Variants in ADAMTSL1 observed in about 807,000 individuals in gnomAD.
The protein encoded by ADAMTSL1 is ADAMTS like 1.
Under a neutral mutation model 201.8 loss-of-function variants are expected in ADAMTSL1, and 126 were observed. That is an observed-to-expected ratio of 0.62 (90% CI 0.54 to 0.72). The LOEUF is 0.72. Ranked by LOEUF, ADAMTSL1 falls within the 30% of genes least tolerant of loss-of-function variation. The pLI is 0.00. For synonymous variants in ADAMTSL1, 1,121 were observed against 903.4 expected, an observed-to-expected ratio of 1.24 and a Z score of -4.32; for missense variants, 2,679 against 2,277.8, an observed-to-expected ratio of 1.18 and a Z score of -3.59.
At chr9:18,645,374 C>T (rs1032915414) in intron 7 of ADAMTSL1, among the ~76,000 whole-genome samples, 7 of 152,122 alleles carry the variant, frequency 4.6e-5, no homozygotes, top group African/African-American at 1.7e-4. Context: ...TTTTGCTGTG[C>T]AGAAGCTCTT....
At chr9:18,474,521 A>C (rs375754233) in intron 1 of ADAMTSL1, among the ~76,000 whole-genome samples, 3 of 152,294 alleles carry the variant, frequency 2.0e-5, no homozygotes, top group African/African-American at 4.8e-5. Context: ...AGTTACTGCT[A>C]TACAGTAATA....
chr9:18,275,226 A>G (rs1256423998), intron 2 of ADAMTSL1, among the ~76,000 whole-genome samples: 1 of 152,186 alleles, frequency 6.6e-6, no homozygotes, highest in Admixed American at 6.5e-5. Context: ...GAACAAAATG[A>G]GGGTGAGAGA....
At chr9:18,739,118 A>C (rs1468528378) in intron 15 of ADAMTSL1, among the ~76,000 whole-genome samples, 1 of 152,234 alleles carries the variant, frequency 6.6e-6, no homozygotes. Flanking sequence ...CATGAGGATT[A>C]AAGGAATTAG....
In ADAMTSL1 at chr9:18,843,132, A is replaced by G. The variant is rs552906104; in HGVS notation, c.4249+13155A>G. Among the ~76,000 whole-genome samples the G allele has an allele frequency of 1.2e-3, 181 of 150,806 alleles. 8 individuals are homozygous for G. The South Asian group carries it at 0.036, about 30-fold the overall frequency. On this transcript the variant is annotated intron_variant, in intron 23 of 28. Transcript: ENST00000380548. ...TTGATGCAGTTTCTTCCTAGCCTCA[A>G]TGGTCTTTACAATTTGGCATGATTT...
At chr9:18,047,748 A>G (rs1821733576) in intron 1 of ADAMTSL1, among the ~76,000 whole-genome samples, 1 of 152,148 alleles carries the variant, frequency 6.6e-6, no homozygotes, top group African/African-American at 2.4e-5. Context: ...AAGAAGAATA[A>G]AAAAATGATT....
intron 1 of ADAMTSL1, among the ~76,000 whole-genome samples, chr9:18,157,760 G>T (rs1278402458): frequency 6.6e-6 from 1 of 151,978 alleles, no homozygotes; most frequent in Non-Finnish European, 1.5e-5. Flanking sequence ...GTTAAATATG[G>T]TTATAAGAAT....
intron 1 of ADAMTSL1, among the ~76,000 whole-genome samples, chr9:18,087,658 C>A (rs1181160230): frequency 6.6e-6 from 1 of 152,006 alleles, no homozygotes; most frequent in East Asian, 1.9e-4. Flanking sequence ...CGTAATTTAA[C>A]AGTGGTTATT....
intron 2 of ADAMTSL1, among the ~76,000 whole-genome samples, chr9:18,257,901 C>T (rs895598058): frequency 1.3e-5 from 2 of 152,040 alleles, no homozygotes; most frequent in Admixed American, 6.5e-5. Context: ...ATAGAAGGCA[C>T]CTAGAATAGG....
intron 2 of ADAMTSL1, among the ~76,000 whole-genome samples, chr9:18,212,340 CAT>C (rs1829907895): frequency 6.6e-6 from 1 of 152,132 alleles, no homozygotes. Context: ...TCTTGTGTGA[CAT>C]GACAAAATTC....
At chr9:18,892,648 C>G in intron 26 of ADAMTSL1, 52 bp downstream of exon 26, 1 of 1,525,392 alleles carries the variant, frequency 6.6e-7, no homozygotes, top group Non-Finnish European at 8.8e-7. Flanking sequence ...AGGAATGGAC[C>G]CTGCCACAGT....
intron 2 of ADAMTSL1, among the ~76,000 whole-genome samples, chr9:18,219,703 C>T (rs1359731196): frequency 6.6e-6 from 1 of 152,146 alleles, no homozygotes; most frequent in East Asian, 1.9e-4. Flanking sequence ...AATAAAGTTT[C>T]AAATTTTTTC....
chr9:18,286,587 C>G (rs1167361888), intron 2 of ADAMTSL1, among the ~76,000 whole-genome samples: 1 of 54,670 alleles, frequency 1.8e-5, no homozygotes, highest in Non-Finnish European at 5.0e-5. Flanking sequence ...CAGATATAAT[C>G]ATTTTAATGC....
At chr9:17,968,428 C>G (rs1396969627) in intron 1 of ADAMTSL1, among the ~76,000 whole-genome samples, 3 of 152,026 alleles carry the variant, frequency 2.0e-5, no homozygotes, top group Non-Finnish European at 2.9e-5. Context: ...AAGTGATTTC[C>G]CAATTATCTG....
intron 1 of ADAMTSL1, among the ~76,000 whole-genome samples, chr9:17,909,454 G>T (rs1825849233): frequency 7.7e-6 from 1 of 130,478 alleles, no homozygotes; most frequent in Admixed American, 8.5e-5. Context: ...TATGGTTTTA[G>T]GTCTAACGTT....
intron 2 of ADAMTSL1, among the ~76,000 whole-genome samples, chr9:18,395,322 A>C (rs1257118977): frequency 6.6e-6 from 1 of 152,224 alleles, no homozygotes; most frequent in Non-Finnish European, 1.5e-5. Flanking sequence ...TTTCCACCAG[A>C]GATAAAGAAA....
At chr9:18,357,249 T>TA (rs1199313059) in intron 2 of ADAMTSL1, among the ~76,000 whole-genome samples, 1 of 152,148 alleles carries the variant, frequency 6.6e-6, no homozygotes, top group African/African-American at 2.4e-5. Flanking sequence ...CCAAGCAAAG[T>TA]ATTTTTTTTC....
chr9:18,296,502 C>T (rs755430590), intron 2 of ADAMTSL1, among the ~76,000 whole-genome samples: 44 of 151,912 alleles, frequency 2.9e-4, no homozygotes, highest in Non-Finnish European at 4.9e-4. Context: ...CAAAAGTAAA[C>T]AATATTATAT....
intron 9 of ADAMTSL1, among the ~76,000 whole-genome samples, chr9:18,667,188 G>A (rs1037336737): frequency 6.6e-6 from 1 of 151,380 alleles, no homozygotes; most frequent in Non-Finnish European, 1.5e-5. Flanking sequence ...ACCCCCAAGC[G>A]GCAATTCTTG....
intron 4 of ADAMTSL1, among the ~76,000 whole-genome samples, chr9:18,595,240 C>T (rs1425488065): frequency 6.6e-6 from 1 of 152,058 alleles, no homozygotes; most frequent in Non-Finnish European, 1.5e-5. Flanking sequence ...AGGATGGGTC[C>T]CTTACTGCAG....
Sources: gnomAD v4.1 joint callset for allele counts (sites outside exome capture counted in the v4.1 genomes callset) on GRCh38, gnomAD v4.1.1 for gene constraint, MANE v1.5 for transcripts, NCBI Gene and HGNC (gene_info 2026-07-23, HGNC 2026-07-21) for gene names.